Variants in GABRP observed in about 807,000 individuals in gnomAD.
GABRP encodes gamma-aminobutyric acid type A receptor subunit pi.
A neutral mutation model predicts 47.8 loss-of-function variants in GABRP; 52 were observed. That is an observed-to-expected ratio of 1.09 (90% confidence interval 0.87 to 1.37). GABRP has a LOEUF of 1.37. GABRP is among the 40% of genes most tolerant of loss of function. The probability of loss-of-function intolerance (pLI) is 0.00; values close to 1 mark genes in which losing one functional copy is unlikely to be tolerated. For synonymous variants in GABRP, 221 were observed against 205.8 expected, an observed-to-expected ratio of 1.07 and a Z score of -0.63; for missense variants, 525 against 542.8, an observed-to-expected ratio of 0.97 and a Z score of 0.33.
At chr5:170,809,843 A>C (rs1255101740) in intron 9 of GABRP, 88 bp downstream of exon 9, 1 of 1,253,410 alleles carries the variant, frequency 8.0e-7, no homozygotes, top group Non-Finnish European at 1.1e-6. Flanking sequence ...TTCTATCCCC[A>C]CCCCACCCGC....
chr5:170,809,938 C>A (rs772673555), intron 9 of GABRP, 183 bp downstream of exon 9: 1 of 703,634 alleles, frequency 1.4e-6, no homozygotes, highest in South Asian at 1.5e-5. Context: ...AAAGACCATT[C>A]TTTTCACCAA....
chr5:170,790,196 C>T (rs1581589511), intron 3 of GABRP, among the ~76,000 whole-genome samples: 1 of 152,144 alleles, frequency 6.6e-6, no homozygotes, highest in African/African-American at 2.4e-5. Flanking sequence ...AGGCCAACTG[C>T]ACAGCTCTTC....
At chr5:170,811,137 T>C (rs1765872340) in intron 9 of GABRP, among the ~76,000 whole-genome samples, 1 of 148,540 alleles carries the variant, frequency 6.7e-6, no homozygotes, top group Non-Finnish European at 1.5e-5. Flanking sequence ...GTACCATTAT[T>C]ATCCCAATTT....
chr5:170,795,234 A>T lies in GABRP; in HGVS notation c.267A>T (p.Arg89=). ...NMDYTATIYL[R]QRWMDQRLVF... is the part of the protein sequence containing the mutation. ...ACTACACAGCCACCATATACCTCCG[A>T]CAGCGCTGGATGGACCAGCGGCTGG... The change falls in exon 5 of 10, where the codon CGA becomes CGT. Residue 89 remains arginine, a synonymous_variant. Transcript: ENST00000265294. 2 of 1,612,938 alleles carry T rather than the reference A, an allele frequency of 1.2e-6. No homozygotes were observed.
At chr5:170,789,364 G>A in intron 3 of GABRP, 117 bp downstream of exon 3, 4 of 649,202 alleles carry the variant, frequency 6.2e-6, no homozygotes, top group Non-Finnish European at 1.1e-5. Flanking sequence ...AGCCTGTTAA[G>A]GATTGGCAAT....
intron 3 of GABRP, among the ~76,000 whole-genome samples, chr5:170,792,304 A>G (rs1217226280): frequency 6.6e-6 from 1 of 152,022 alleles, no homozygotes; most frequent in Non-Finnish European, 1.5e-5. Context: ...TTAGCTGGGC[A>G]TGGTGGTGGG....
At position 170,812,708 on chromosome 5, in the gene GABRP, T is replaced by C. The variant is rs182928905; in HGVS notation, c.*450T>C. The C allele has an allele frequency of 2.6e-3, 400 of 156,184 alleles. 1 individual carries two copies. Among genetic ancestry groups the C allele is most frequent in the Non-Finnish European group, 4.6e-3 (320 of 70,302 alleles). The allele number at this position is 156,184 out of a possible 1,614,324, so 9.7% of individuals were successfully genotyped here. On this transcript the variant is annotated 3_prime_UTR_variant, in exon 10 of 10. Coordinates refer to ENST00000265294, the MANE Select transcript of GABRP (RefSeq NM_014211.3). The stretch of plus-strand genomic sequence containing the variant: ...ATTGTTGCCTATTTAGGGAGTAACA[T>C]TTTCTAGTTTTTGTTTCTGGTTAAA...
Position 170,808,612 on chromosome 5 carries a change from G to T in GABRP, c.692G>T (p.Arg231Ile), listed in dbSNP as rs746606356. ...RSQQETGNYTRLVLQFELRRN... is the reference protein window; with the variant it reads ...RSQQETGNYTILVLQFELRRN... ...TTTACCCTTTCAGGAAATTACACTAGATTGGTCTTACAGTTTGAGCTTCGG... is the reference window on the plus strand; with the variant it reads ...TTTACCCTTTCAGGAAATTACACTATATTGGTCTTACAGTTTGAGCTTCGG... Residue 231 changes from arginine (R) to isoleucine (I), a missense_variant, in exon 8 of 10, where the codon AGA (arginine) becomes ATA (isoleucine). By Grantham distance (97) the Arg-to-Ile change is moderately conservative (BLOSUM62 -3). Transcript: ENST00000265294. 1 of 1,613,918 alleles carries T rather than the reference G, an allele frequency of 6.2e-7. No homozygotes were observed. The highest frequency in any genetic ancestry group is 1.1e-5 in the South Asian group (1 of 91,052).
At chr5:170,789,763 G>A (rs974247845) in intron 3 of GABRP, among the ~76,000 whole-genome samples, 13 of 151,968 alleles carry the variant, frequency 8.6e-5, no homozygotes, top group African/African-American at 1.2e-4. Flanking sequence ...CCAAGTCCCC[G>A]CTCCTTCCCC....
intron 6 of GABRP, among the ~76,000 whole-genome samples, chr5:170,805,007 AT>A (rs1220289223): frequency 6.8e-6 from 1 of 146,898 alleles, no homozygotes; most frequent in Non-Finnish European, 1.5e-5. Flanking sequence ...TATTATATAT[AT>A]TATATATATT....
At position 170,805,904 on chromosome 5, in the gene GABRP, A is replaced by G. The variant is rs776718807; in HGVS notation, c.679+51A>G. ...AATAAAAATAAGTGAACTGAGGTGT[A>G]GGGTTGCTCTCTGAGTCAGAAATAT... On this transcript the variant is annotated intron_variant, in intron 7 of 9. Transcript: ENST00000265294. 1.9e-6 allele frequency: 3 copies of G among 1,590,632 alleles called. No individual in the cohort carries two copies. In the African/African-American group the frequency reaches 4.0e-5, roughly 21 times the overall value.
chr5:170,811,308 C>T lies in GABRP; in HGVS notation c.1021-648C>T, dbSNP rs1765877485. 2.0e-5 allele frequency among the ~76,000 whole-genome samples: 3 copies of T among 151,634 alleles called. No individual in the cohort carries two copies. In the South Asian group the frequency reaches 6.3e-4, roughly 32 times the overall value. The stretch of plus-strand genomic sequence containing the variant: ...TGGTCAAGGAACCAAACCACACTCT[C>T]TCTGACTTCACTACACTCCCACATT... On this transcript the variant is annotated intron_variant, in intron 9 of 9. Transcript: ENST00000265294.
intron 1 of GABRP, among the ~76,000 whole-genome samples, chr5:170,785,200 A>G (rs1007378332): frequency 6.6e-6 from 1 of 152,308 alleles, no homozygotes; most frequent in East Asian, 1.9e-4. Context: ...CATCCCCCAG[A>G]TGGGTTTGGT....
intron 6 of GABRP, among the ~76,000 whole-genome samples, chr5:170,799,620 A>G (rs934654444): frequency 6.6e-6 from 1 of 151,884 alleles, no homozygotes; most frequent in Non-Finnish European, 1.5e-5. Flanking sequence ...CCACTTTTTG[A>G]TGGGGTTGTT....
chr5:170,805,690 G>T, intron 6 of GABRP, 26 bp from the exon 7 acceptor site: 1 of 1,613,678 alleles, frequency 6.2e-7, no homozygotes, highest in South Asian at 1.1e-5. Context: ...CCCTTGCACT[G>T]ACCAGGGCTC....
chr5:170,811,831 A>T, intron 9 of GABRP, 125 bp from the exon 10 acceptor site: 1 of 899,950 alleles, frequency 1.1e-6, no homozygotes, highest in African/African-American at 1.7e-5. Flanking sequence ...GAAGCACTCA[A>T]TGCCACTCTC....
chr5:170,807,635 T>C (rs1314477825), intron 7 of GABRP, among the ~76,000 whole-genome samples: 11 of 152,188 alleles, frequency 7.2e-5, no homozygotes, highest in Admixed American at 7.2e-4. Context: ...CAGGTCCTTT[T>C]CAAATCACTA....
Position 170,795,351 on chromosome 5 carries a change from C to T in GABRP, c.384C>T (p.Ser128=). ...CTTACATTGTGGAGTCCAAGAAGTC[C>T]TTCCTCCATGAAGTCACTGTGGGAA... ...PDTYIVESKK[S]FLHEVTVGNR... Residue 128 remains serine (S), a synonymous_variant, in exon 5 of 10, where the codon TCC becomes TCT. Transcript: ENST00000265294. 1 of 1,614,088 alleles carries T rather than the reference C, an allele frequency of 6.2e-7. No homozygotes were observed. Among genetic ancestry groups the T allele is most frequent in the Non-Finnish European group, 8.5e-7 (1 of 1,180,002 alleles).
intron 3 of GABRP, among the ~76,000 whole-genome samples, chr5:170,791,845 T>C (rs1305933635): frequency 6.6e-6 from 1 of 152,228 alleles, no homozygotes; most frequent in Non-Finnish European, 1.5e-5. Flanking sequence ...GTATTTATAA[T>C]GAGCAGAAGT....
Sources: allele counts gnomAD v4.1 joint callset (sites outside exome capture counted in the v4.1 genomes callset), GRCh38; gene constraint gnomAD v4.1.1; transcripts MANE v1.5; gene names NCBI Gene and HGNC (gene_info 2026-07-23, HGNC 2026-07-21).